SEPTIN1: variants seen among roughly 807,000 people sequenced by gnomAD.
SEPTIN1 encodes septin-1.
A neutral mutation model predicts 50.7 loss-of-function variants in SEPTIN1; 52 were observed. The observed-to-expected ratio is 1.03, with a 90% CI of 0.82 to 1.29. The LOEUF (loss-of-function observed/expected upper bound fraction) is 1.29. Among genes scored for constraint, SEPTIN1 ranks in the 50% most tolerant of loss-of-function variants. SEPTIN1 has a pLI of 0.00. For missense variants in SEPTIN1, 455 were observed against 490.7 expected, an observed-to-expected ratio of 0.93 and a Z score of 0.69; for synonymous variants, 204 against 189.1, an observed-to-expected ratio of 1.08 and a Z score of -0.65.
At chr16:30,379,578 G>T in intron 7 of SEPTIN1, 44 bp from the exon 8 acceptor site, 1 of 1,369,482 alleles carries the variant, frequency 7.3e-7, no homozygotes. Flanking sequence ...TCACACGGCA[G>T]AAACTTTCTC....
Position 30,382,018 on chromosome 16 carries a change from G to C in SEPTIN1, c.196+75C>G. ...AGAAAAAAAGCAGTCAACTACCTGA[G>C]TCCCCAGATGGAAAAGACTAGGGTG... On this transcript the variant is annotated intron_variant, in intron 3 of 10. Transcript: ENST00000321367. The surrounding 1 kb of genome is among the most constrained non-coding windows in gnomAD (Gnocchi z 4.8). 6.3e-7 allele frequency: 1 copy of C among 1,597,356 alleles called. No individual in the cohort carries two copies. The highest frequency in any genetic ancestry group is 8.6e-7 in the Non-Finnish European group (1 of 1,167,688).
chr16:30,381,865 A>G lies in SEPTIN1; in HGVS notation c.215T>C (p.Leu72Pro). ...CTCTACGCCCCGGCGCTCAATGGCC[A>G]GGGTCTGTGTCAAGCGAGCTGTGGG... The part of the protein sequence containing the change: ...PEASARLTQT[L>P]AIERRGVEIE... The change falls in exon 4 of 11, where the codon CTG (leucine) becomes CCG (proline). Residue 72 changes from leucine (L) to proline (P), a missense_variant. Transcript: ENST00000321367. The surrounding 1 kb of genome is among the most constrained non-coding windows in gnomAD (Gnocchi z 4.3). 3 of 1,614,098 alleles carry G rather than the reference A, an allele frequency of 1.9e-6. No individual in the cohort carries two copies. In the South Asian group the frequency reaches 3.3e-5, roughly 18 times the overall value.
chr16:30,381,432 T>C lies in SEPTIN1; in HGVS notation c.362A>G (p.Gln121Arg). 1 of 1,614,054 alleles carries C rather than the reference T, an allele frequency of 6.2e-7. No homozygotes were observed. The change falls in exon 5 of 11, where the codon CAG becomes CGG. Residue 121 changes from glutamine (Q) to arginine (R), a missense_variant. Gln to Arg is a conservative substitution (Grantham distance 43). Transcript: ENST00000321367. This position sits in a 1 kb window ranked among gnomAD's most constrained non-coding sequence, Gnocchi z 4.3. The stretch of plus-strand genomic sequence containing the variant: ...CAGGCCACTCTCATCCCTAAGGTAC[T>C]GCTCAAATTGCTCCTCGATGAATTT... Reference protein sequence around the residue: ...VVKFIEEQFEQYLRDESGLNR... With the variant: ...VVKFIEEQFERYLRDESGLNR...
rs761882617 is a variant in SEPTIN1, at chr16:30,379,467, C to T, written c.743G>A (p.Arg248Lys). ...GGTCCCCCAGGAGTAGCGGCGTCCC[C>T]TCACCGGCCGGTTCCCGCCATCCCT... Reference protein sequence around the residue: ...VVRDGGNRPVRGRRYSWGTVE... With the variant: ...VVRDGGNRPVKGRRYSWGTVE... Residue 248 changes from arginine (R) to lysine (K), a missense_variant, in exon 8 of 11, where the codon AGG (arginine) becomes AAG (lysine). By Grantham distance (26) the Arg-to-Lys change is conservative. Transcript: ENST00000321367. The T allele has an allele frequency of 6.2e-7, 1 of 1,613,944 alleles. No individual in the cohort carries two copies. Among genetic ancestry groups the T allele is most frequent in the Non-Finnish European group, 8.5e-7 (1 of 1,179,990 alleles).
At chr16:30,382,565 C>T, upstream of SEPTIN1, 3 of 1,584,110 alleles carry the variant, frequency 1.9e-6, no homozygotes, top group South Asian at 3.4e-5. The surrounding 1 kb of genome is among the most constrained non-coding windows in gnomAD (Gnocchi z 4.8). Flanking sequence ...CGTCTCTCCC[C>T]ACTTCCTCTG....
Position 30,381,210 on chromosome 16 carries a change from C to T in SEPTIN1, c.490G>A (p.Val164Ile), listed in dbSNP as rs1597006964. 1 of 1,614,080 alleles carries T rather than the reference C, an allele frequency of 6.2e-7. No homozygotes were observed. ...GGGATGATGTTGACTTTCTCGTGTA[C>T]TGCCCGGAGGAAGGCCACATCTAGG... The part of the protein sequence containing the change: ...RPLDVAFLRA[V>I]HEKVNIIPVI... Residue 164 changes from valine (V) to isoleucine (I), a missense_variant, in exon 6 of 11, where the codon GTA becomes ATA. By Grantham distance (29) the Val-to-Ile change is conservative. Coordinates refer to ENST00000321367, the MANE Select transcript of SEPTIN1 (RefSeq NM_001365977.2). This position sits in a 1 kb window ranked among gnomAD's most constrained non-coding sequence, Gnocchi z 4.3.
At chr16:30,379,394 G>A (rs886213920) in intron 8 of SEPTIN1, 41 bp downstream of exon 8, 4 of 1,558,258 alleles carry the variant, frequency 2.6e-6, no homozygotes, top group Admixed American at 1.7e-5. Context: ...GAGGCCCCGG[G>A]CTCCCTGCTG....
chr16:30,378,443 G>C lies in SEPTIN1; in HGVS notation c.1110C>G (p.Asp370Glu). The C allele has an allele frequency of 6.4e-7, 1 of 1,572,332 alleles. No individual in the cohort carries two copies. The highest frequency in any genetic ancestry group is 8.6e-7 in the Non-Finnish European group (1 of 1,167,086). Residue 370 changes from aspartate to glutamate, a missense_variant, in exon 11 of 11, where the codon GAC (aspartate) becomes GAG (glutamate). Coordinates refer to ENST00000321367, the MANE Select transcript of SEPTIN1 (RefSeq NM_001365977.2). Reference sequence around the variant, plus strand: ...CGGGCGGGGCGTGGCCTCAGAGGGCGTCTGACTGCTCGCCCTGGGCCTGGC... The same window carrying C: ...CGGGCGGGGCGTGGCCTCAGAGGGCCTCTGACTGCTCGCCCTGGGCCTGGC... The part of the protein sequence containing the change: ...QQSQAQGEQS[D>E]AL
At chr16:30,378,730 C>A in intron 9 of SEPTIN1, 30 bp from the exon 10 acceptor site, 1 of 1,594,528 alleles carries the variant, frequency 6.3e-7, no homozygotes, top group Non-Finnish European at 8.5e-7. Flanking sequence ...GGACAGGAAT[C>A]AGGAGCGGGA....
intron 8 of SEPTIN1, 23 bp downstream of exon 8, chr16:30,379,412 G>A (rs747691315): frequency 4.6e-5 from 73 of 1,602,644 alleles, no homozygotes; most frequent in Non-Finnish European, 5.6e-5. Flanking sequence ...CTGGCCTTAG[G>A]ACCCCTGCCT....
Position 30,381,611 on chromosome 16 carries a change from G to T in SEPTIN1, c.321-138C>A. On this transcript the variant is annotated intron_variant, in intron 4 of 10. Transcript: ENST00000321367. The surrounding 1 kb of genome is among the most constrained non-coding windows in gnomAD (Gnocchi z 4.3). ...TTAAGGGGAACTGGTGGGGGCCTAG[G>T]TGAGTCATCAAGAAGCACAGGGACC... 6.9e-7 allele frequency: 1 copy of T among 1,457,392 alleles called. No individual in the cohort carries two copies. The highest frequency in any genetic ancestry group is 1.4e-5 in the African/African-American group (1 of 71,386). 90.3% of individuals were successfully genotyped at this position (1,457,392 alleles called of 1,614,324 possible).
rs1239351271 is a variant in SEPTIN1, at chr16:30,378,509, C to A, written c.1044G>T (p.Met348Ile). 1 of 1,580,984 alleles carries A rather than the reference C, an allele frequency of 6.3e-7. No homozygotes were observed. Among genetic ancestry groups the A allele is most frequent in the South Asian group, 1.1e-5 (1 of 89,258 alleles). ...CCTGCATCTTCTCCAGCATCTCTTG[C>A]ATGCGGCGCAGCTGTGCAGGGCGAG... is the stretch of plus-strand genomic sequence containing the variant. ...IREKDEELRR[M>I]QEMLEKMQAQ... The change falls in exon 11 of 11, where the codon ATG (methionine) becomes ATT (isoleucine). Residue 348 changes from methionine (M) to isoleucine (I), a missense_variant. Physicochemically the swap from Met to Ile is conservative, Grantham distance 10. Transcript: ENST00000321367.
Position 30,379,477 on chromosome 16 carries a change from GGT to G in SEPTIN1, c.731_732del (p.Asn244ThrfsTer71). 1 of 1,613,790 alleles carries G rather than the reference GGT, an allele frequency of 6.2e-7. No individual in the cohort carries two copies. ...GAGTAGCGGCGTCCCCTCACCGGCC[GGT>G]TCCCGCCATCCCTCACCACCTCGCA... ...GSCEVVRDGG[N>X]RPVRGRRYSW... On this transcript the variant is annotated frameshift_variant, in exon 8 of 11. Coordinates refer to ENST00000321367, the MANE Select transcript of SEPTIN1 (RefSeq NM_001365977.2). LOFTEE classifies it high-confidence loss of function.
Position 30,378,376 on chromosome 16 carries a change from G to A in SEPTIN1, c.*58C>T. 6.9e-7 allele frequency: 1 copy of A among 1,458,502 alleles called. No individual in the cohort carries two copies. The highest frequency in any genetic ancestry group is 9.1e-7 in the Non-Finnish European group (1 of 1,096,590). 90.3% of individuals were successfully genotyped at this position (1,458,502 alleles called of 1,614,324 possible). ...GGCGCTGGGCAGTGTGGGGCGCGGG[G>A]ATTGGACAAGAGGCCGACTGAAGGC... On this transcript the variant is annotated 3_prime_UTR_variant, in exon 11 of 11. Transcript: ENST00000321367.
chr16:30,381,026 T>C lies in SEPTIN1; in HGVS notation c.573+101A>G. 1 of 941,366 alleles carries C rather than the reference T, an allele frequency of 1.1e-6. No homozygotes were observed. The highest frequency in any genetic ancestry group is 1.4e-5 in the South Asian group (1 of 73,602). 58.3% of individuals were successfully genotyped at this position (941,366 alleles called of 1,614,324 possible). On this transcript the variant is annotated intron_variant, in intron 6 of 10. Transcript: ENST00000321367. The surrounding 1 kb of genome is among the most constrained non-coding windows in gnomAD (Gnocchi z 4.3). ...AAGCTTCTCCTACAATCTAGCCTGA[T>C]GCACCATGCTCCAGAAAGGCCACTT...
At position 30,381,081 on chromosome 16, in the gene SEPTIN1, G is replaced by A. The variant is rs2049840463; in HGVS notation, c.573+46C>T. The A allele has an allele frequency of 7.0e-7, 1 of 1,428,820 alleles. No homozygotes were observed. The highest frequency in any genetic ancestry group is 1.1e-5 in the South Asian group (1 of 87,408). The allele number at this position is 1,428,820 out of a possible 1,614,324, so 88.5% of individuals were successfully genotyped here. ...ATCAAAGAAGTCTAAGCTGAAATCA[G>A]GTTTGGCTTCACATGGGGTCAAAGG... On this transcript the variant is annotated intron_variant, in intron 6 of 10. Transcript: ENST00000321367. This position sits in a 1 kb window ranked among gnomAD's most constrained non-coding sequence, Gnocchi z 4.3.
Position 30,381,805 on chromosome 16 carries a change from AG to A in SEPTIN1, c.274del (p.Val93TrpfsTer20). 1 of 1,614,146 alleles carries A rather than the reference AG, an allele frequency of 6.2e-7. No individual in the cohort carries two copies. The highest frequency in any genetic ancestry group is 8.5e-7 in the Non-Finnish European group (1 of 1,180,032). On this transcript the variant is annotated frameshift_variant, in exon 4 of 11. Transcript: ENST00000321367. LOFTEE classifies it high-confidence loss of function. The surrounding 1 kb of genome is among the most constrained non-coding windows in gnomAD (Gnocchi z 4.3). ...EEGGVKVKLT[L>X]VDTPGFGDSV... is the part of the protein sequence containing the mutation. Reference sequence around the variant, plus strand: ...GTCCCCAAAGCCAGGTGTGTCCACAAGGGTCAGCTTCACTTTCACACCCCCT... The same window carrying A: ...GTCCCCAAAGCCAGGTGTGTCCACAAGGTCAGCTTCACTTTCACACCCCCT...
Position 30,381,458 on chromosome 16 carries a change from C to T in SEPTIN1, c.336G>A (p.Val112=), listed in dbSNP as rs1387522783. 5 of 1,614,046 alleles carry T rather than the reference C, an allele frequency of 3.1e-6. No individual in the cohort carries two copies. Among genetic ancestry groups the T allele is most frequent in the Non-Finnish European group, 4.2e-6 (5 of 1,180,008 alleles). Reference sequence around the variant, plus strand: ...GCTCAAATTGCTCCTCGATGAATTTCACCACCGGAAGCCAGCTGGGTGTGG... The same window carrying T: ...GCTCAAATTGCTCCTCGATGAATTTTACCACCGGAAGCCAGCTGGGTGTGG... ...VDCSDCWLPV[V]KFIEEQFEQY... The change falls in exon 5 of 11, where the codon GTG becomes GTA. Residue 112 remains valine, a synonymous_variant. Transcript: ENST00000321367. The surrounding 1 kb of genome is among the most constrained non-coding windows in gnomAD (Gnocchi z 4.3).
rs770470106 is a variant in SEPTIN1 at position 30,381,313 on chromosome 16, C to T, written c.455+26G>A. On this transcript the variant is annotated intron_variant, in intron 5 of 10. Transcript: ENST00000321367. This position sits in a 1 kb window ranked among gnomAD's most constrained non-coding sequence, Gnocchi z 4.3. ...ACCCCCCAGCCCTCCCTAAATGCGC[C>T]AGCCCCCAGGATCCCCCCACCAGAC... 24 of 1,612,468 alleles carry T rather than the reference C, an allele frequency of 1.5e-5. No individual in the cohort carries two copies. The highest frequency in any genetic ancestry group is 2.0e-5 in the Non-Finnish European group (24 of 1,178,964).
Sources: gnomAD v4.1 joint callset for allele counts on GRCh38, gnomAD v4.1.1 for gene constraint, Gnocchi (gnomAD v3.1) non-coding constraint, MANE v1.5 for transcripts, NCBI Gene and HGNC (gene_info 2026-07-23, HGNC 2026-07-21) for gene names.